Variants in CCNY observed in about 807,000 individuals in gnomAD.
The protein encoded by CCNY is cyclin-Y.
CCNY carries 19 observed loss-of-function variants against 42.8 expected under a neutral mutation model. That is an observed-to-expected ratio of 0.44 (90% CI 0.31 to 0.65). CCNY has a LOEUF of 0.65. Ranked by LOEUF, CCNY falls within the 30% of genes least tolerant of loss-of-function variation. CCNY has a pLI of 0.07. For synonymous variants in CCNY, 165 were observed against 162.7 expected, an observed-to-expected ratio of 1.01 and a Z score of -0.11; for missense variants, 370 against 437.3, an observed-to-expected ratio of 0.85 and a Z score of 1.37.
chr10:35,338,366 A>AT (rs1205295664), intron 1 of CCNY, among the ~76,000 whole-genome samples: 1 of 152,244 alleles, frequency 6.6e-6, no homozygotes, highest in Non-Finnish European at 1.5e-5. Flanking sequence ...AGTGCCATGT[A>AT]TAAAGGGAGT....
intron 1 of CCNY, among the ~76,000 whole-genome samples, chr10:35,404,777 C>T (rs751882375): frequency 7.2e-5 from 11 of 152,176 alleles, no homozygotes; most frequent in Admixed American, 2.6e-4. Context: ...AGGGAGAACA[C>T]GTATGTTTTA....
At chr10:35,256,353 T>C (rs530268082) in intron 3 of CCNY, among the ~76,000 whole-genome samples, 7 of 152,330 alleles carry the variant, frequency 4.6e-5, no homozygotes, top group African/African-American at 1.4e-4. Context: ...GTTGTGTGTA[T>C]ATCTGCAACT....
rs573715014 is a variant in CCNY, at chr10:35,354,097, A to G, written c.154+16890A>G. On this transcript the variant is annotated intron_variant, in intron 1 of 9. Coordinates refer to ENST00000374704, the MANE Select transcript of CCNY (RefSeq NM_145012.6). The stretch of plus-strand genomic sequence containing the variant: ...TTTCCTGCCACACTGGCCTCTCCAT[A>G]GGGCAGCTGGCTTCCCCTGGACCAA... 5.3e-5 allele frequency among the ~76,000 whole-genome samples: 8 copies of G among 151,854 alleles called. No individual in the cohort carries two copies. The South Asian group carries it at 1.7e-3, about 32-fold the overall frequency.
At chr10:35,470,383 G>A (rs1317455258) in intron 1 of CCNY, among the ~76,000 whole-genome samples, 1 of 152,180 alleles carries the variant, frequency 6.6e-6, no homozygotes, top group Non-Finnish European at 1.5e-5. Context: ...AGGGCTGGAT[G>A]TGTGTGCACA....
intron 3 of CCNY, among the ~76,000 whole-genome samples, chr10:35,324,441 C>A (rs1228633820): frequency 5.3e-5 from 8 of 152,106 alleles, no homozygotes; most frequent in Non-Finnish European, 1.2e-4. Context: ...GTAATGAAAC[C>A]CTGTAAACAA....
At chr10:35,278,588 A>G (rs928143825) in intron 3 of CCNY, among the ~76,000 whole-genome samples, 3 of 152,214 alleles carry the variant, frequency 2.0e-5, no homozygotes, top group Admixed American at 6.5e-5. Context: ...TAGGCAGCTG[A>G]GGAAGACAGG....
At chr10:35,408,636 A>G (rs1359197776) in intron 1 of CCNY, among the ~76,000 whole-genome samples, 1 of 152,088 alleles carries the variant, frequency 6.6e-6, no homozygotes, top group Non-Finnish European at 1.5e-5. Flanking sequence ...GTAGAATATC[A>G]TCAGTTAAGG....
chr10:35,284,824 C>T, intron 3 of CCNY, among the ~76,000 whole-genome samples: 1 of 152,208 alleles, frequency 6.6e-6, no homozygotes, highest in Admixed American at 6.5e-5. Flanking sequence ...TTCATTTTCA[C>T]TCAATTCAAA....
intron 8 of CCNY, among the ~76,000 whole-genome samples, chr10:35,561,295 T>C (rs926415908): frequency 3.9e-5 from 6 of 152,196 alleles, no homozygotes; most frequent in Admixed American, 2.0e-4. Flanking sequence ...GTCTCAGATA[T>C]CCTGGGGTGG....
chr10:35,546,280 C>T (rs1156947909), intron 7 of CCNY, among the ~76,000 whole-genome samples: 1 of 152,230 alleles, frequency 6.6e-6, no homozygotes, highest in African/African-American at 2.4e-5. Flanking sequence ...ATTGGGATCT[C>T]ATTTGCATAT....
Position 35,355,655 on chromosome 10 carries a change from G to A in CCNY, c.154+18448G>A, listed in dbSNP as rs1207699703. On this transcript the variant is annotated intron_variant, in intron 1 of 9. Coordinates refer to ENST00000374704, the MANE Select transcript of CCNY (RefSeq NM_145012.6). ...ATTGCGCCATTGCACTCCAGCCTGG[G>A]CAACAGAGCAAGATACTGTCTCCAA... is the stretch of plus-strand genomic sequence containing the variant. Among the ~76,000 whole-genome samples, 7 of 98,808 alleles carry A rather than the reference G, an allele frequency of 7.1e-5. No individual in the cohort carries two copies. In the Admixed American group the frequency reaches 1.2e-3, roughly 17 times the overall value. 64.8% of individuals were successfully genotyped at this position (98,808 alleles called of 152,430 possible).
chr10:35,357,371 A>G (rs895801578), intron 1 of CCNY, among the ~76,000 whole-genome samples: 4 of 152,186 alleles, frequency 2.6e-5, no homozygotes, highest in Non-Finnish European at 4.4e-5. Context: ...ATCACCTAAC[A>G]CAGTACTTAG....
At chr10:35,535,885 C>T (rs1840876738) in intron 7 of CCNY, among the ~76,000 whole-genome samples, 1 of 152,150 alleles carries the variant, frequency 6.6e-6, no homozygotes, top group African/African-American at 2.4e-5. Flanking sequence ...GCCCCTGGAA[C>T]CAACCTTCCA....
At chr10:35,362,880 A>G (rs1836718827) in intron 1 of CCNY, among the ~76,000 whole-genome samples, 1 of 150,010 alleles carries the variant, frequency 6.7e-6, no homozygotes, top group South Asian at 2.1e-4. Context: ...AGCCAGGCAG[A>G]GGTACTCCTT....
intron 2 of CCNY, among the ~76,000 whole-genome samples, chr10:35,490,863 AGTT>A (rs1289557234): frequency 6.6e-6 from 1 of 152,158 alleles, no homozygotes; most frequent in Non-Finnish European, 1.5e-5. Flanking sequence ...TTCTTTGTGA[AGTT>A]GTGAGGGAGG....
At chr10:35,383,928 A>G (rs1157197781) in intron 1 of CCNY, among the ~76,000 whole-genome samples, 1 of 151,954 alleles carries the variant, frequency 6.6e-6, no homozygotes, top group Non-Finnish European at 1.5e-5. Flanking sequence ...AAATTGTATT[A>G]TGCATTGTGG....
At chr10:35,567,888 C>T (rs916125691) in intron 9 of CCNY, among the ~76,000 whole-genome samples, 2 of 152,128 alleles carry the variant, frequency 1.3e-5, no homozygotes, top group East Asian at 1.9e-4. Context: ...ATCATCTATT[C>T]GAGGAAAAAT....
At chr10:35,505,076 T>A (rs183027568) in intron 3 of CCNY, among the ~76,000 whole-genome samples, 1 of 152,014 alleles carries the variant, frequency 6.6e-6, no homozygotes, top group East Asian at 1.9e-4. Flanking sequence ...ATGAATCTTT[T>A]AATTAAAGTG....
intron 3 of CCNY, among the ~76,000 whole-genome samples, chr10:35,272,289 T>C (rs1835179804): frequency 1.3e-5 from 2 of 151,390 alleles, no homozygotes; most frequent in African/African-American, 4.8e-5. Context: ...GCCTGGCCTT[T>C]TTTTTTTTTT....
Sources: allele counts gnomAD v4.1 joint callset (sites outside exome capture counted in the v4.1 genomes callset), GRCh38; gene constraint gnomAD v4.1.1; transcripts MANE v1.5; gene names NCBI Gene and HGNC (gene_info 2026-07-23, HGNC 2026-07-21).